Variants in TYW1 observed in about 807,000 individuals in gnomAD.
TYW1 encodes S-adenosyl-L-methionine-dependent tRNA 4-demethylwyosine synthase TYW1.
A neutral mutation model predicts 96.2 loss-of-function variants in TYW1; 46 were observed. That is an observed-to-expected ratio of 0.48 (90% confidence interval 0.38 to 0.61). TYW1 has a LOEUF of 0.61. Ranked by LOEUF, TYW1 falls within the 20% of genes least tolerant of loss-of-function variation. The pLI is 0.00. For missense variants in TYW1, 684 were observed against 909.6 expected (o/e 0.75, Z 3.19); for synonymous variants, 274 against 323.0 (o/e 0.85, Z 1.63).
chr7:67,175,541 C>T (rs192187617), intron 13 of TYW1, among the ~76,000 whole-genome samples: 172 of 152,190 alleles, frequency 1.1e-3, no homozygotes, highest in African/African-American at 4.0e-3. Flanking sequence ...AGCATAGAAG[C>T]AAATATTTTA....
rs1793611473 is a variant in TYW1 at position 67,006,869 on chromosome 7, C to T, written c.274-2714C>T. Reference sequence around the variant, plus strand: ...AACATCCACTTGGCTTCTGGTGAAGCTTCAGGAAGCTTCCACCCATGGAGG... The same window carrying T: ...AACATCCACTTGGCTTCTGGTGAAGTTTCAGGAAGCTTCCACCCATGGAGG... On this transcript the variant is annotated intron_variant, in intron 3 of 15. Coordinates refer to ENST00000359626, the MANE Select transcript of TYW1 (RefSeq NM_018264.4). Among the ~76,000 whole-genome samples the T allele has an allele frequency of 2.7e-5, 4 of 147,544 alleles. No homozygotes were observed. The Admixed American group carries it at 2.8e-4, about 10-fold the overall frequency.
chr7:67,231,795 G>A (rs1801756917), intron 15 of TYW1, among the ~76,000 whole-genome samples: 2 of 150,952 alleles, frequency 1.3e-5, no homozygotes, highest in East Asian at 3.9e-4. Flanking sequence ...GGAAACTCAT[G>A]TCCTTCACTT....
chr7:67,083,601 A>C (rs1796450073), intron 11 of TYW1, 62 bp downstream of exon 11: 1 of 1,540,328 alleles, frequency 6.5e-7, no homozygotes, highest in Admixed American at 1.9e-5. Flanking sequence ...TCAGATTGGC[A>C]GAAGAATTGC....
intron 4 of TYW1, among the ~76,000 whole-genome samples, chr7:67,010,156 T>G (rs112290773): frequency 0.018 from 2,711 of 151,762 alleles, 83 homozygotes; most frequent in African/African-American, 0.062. Context: ...CTAATTTTTT[T>G]TGTGTGTGTC....
intron 15 of TYW1, among the ~76,000 whole-genome samples, chr7:67,197,420 G>C (rs556592729): frequency 6.6e-6 from 1 of 151,166 alleles, no homozygotes; most frequent in African/African-American, 2.4e-5. Flanking sequence ...CTGCCTCCTC[G>C]CTTCAAGCGA....
chr7:67,135,192 C>G (rs1798206867), intron 13 of TYW1, among the ~76,000 whole-genome samples: 1 of 142,558 alleles, frequency 7.0e-6, no homozygotes, highest in African/African-American at 2.8e-5. Context: ...GTTCACCCTT[C>G]TAAAGTATGA....
In TYW1 at chr7:66,998,050, T is replaced by C; in HGVS notation, c.5-15T>C. On this transcript the variant is annotated splice_polypyrimidine_tract_variant and intron_variant, in intron 1 of 15. Coordinates refer to ENST00000359626, the MANE Select transcript of TYW1 (RefSeq NM_018264.4). Reference sequence around the variant, plus strand: ...GTAGCTTTAAATGAAATTGTGTGTGTCATTTTAAATTTAGATCCTTCTGCG... The same window carrying C: ...GTAGCTTTAAATGAAATTGTGTGTGCCATTTTAAATTTAGATCCTTCTGCG... 6.4e-7 allele frequency: 1 copy of C among 1,572,938 alleles called. No homozygotes were observed. Among genetic ancestry groups the C allele is most frequent in the South Asian group, 1.2e-5 (1 of 83,698 alleles).
rs1003199266 is a variant in TYW1, at chr7:67,230,834, T to A, written c.1978-7474T>A. Among the ~76,000 whole-genome samples, 64 of 151,894 alleles carry A rather than the reference T, an allele frequency of 4.2e-4. 2 individuals carry two copies. Among genetic ancestry groups the A allele is most frequent in the Admixed American group, 1.3e-4 (2 of 15,236 alleles). ...TTTGTATTTTTAGTAGAGGCGGGGT[T>A]TCACCTTGTTGGCCAGGCTGGTCTT... On this transcript the variant is annotated intron_variant, in intron 15 of 15. Coordinates refer to ENST00000359626, the MANE Select transcript of TYW1 (RefSeq NM_018264.4).
intron 7 of TYW1, among the ~76,000 whole-genome samples, chr7:67,029,232 A>G (rs986646647): frequency 6.6e-6 from 1 of 151,318 alleles, no homozygotes; most frequent in African/African-American, 2.4e-5. Context: ...GTGATCACCC[A>G]CCTCGGCCTC....
intron 6 of TYW1, among the ~76,000 whole-genome samples, chr7:67,018,470 G>A (rs1355120147): frequency 1.3e-5 from 2 of 151,832 alleles, no homozygotes; most frequent in Non-Finnish European, 2.9e-5. Flanking sequence ...GAGCCCAGGA[G>A]TTTGAGACTG....
At chr7:67,222,991 TA>T (rs1002299575) in intron 15 of TYW1, among the ~76,000 whole-genome samples, 15 of 152,078 alleles carry the variant, frequency 9.9e-5, no homozygotes, top group African/African-American at 3.4e-4. Context: ...TCATTTCAGT[TA>T]TTACACTTTT....
At chr7:67,234,758 A>G (rs1801833791) in intron 15 of TYW1, among the ~76,000 whole-genome samples, 1 of 148,158 alleles carries the variant, frequency 6.7e-6, no homozygotes, top group African/African-American at 2.5e-5. Context: ...TTTAGAGTCA[A>G]AAGAAACCAG....
At chr7:67,064,884 C>T (rs551450739) in intron 9 of TYW1, among the ~76,000 whole-genome samples, 5 of 152,284 alleles carry the variant, frequency 3.3e-5, no homozygotes, top group South Asian at 2.1e-4. Flanking sequence ...TACTGCTCCC[C>T]GCAACAAATT....
chr7:67,204,935 T>A (rs778233074), intron 15 of TYW1, among the ~76,000 whole-genome samples: 2 of 152,204 alleles, frequency 1.3e-5, no homozygotes, highest in Non-Finnish European at 2.9e-5. Context: ...GAAGCACATT[T>A]GTGATGGCTA....
At chr7:67,017,818 AC>A in intron 5 of TYW1, 34 bp from the exon 6 acceptor site, 1 of 1,584,032 alleles carries the variant, frequency 6.3e-7, no homozygotes, top group South Asian at 1.2e-5. Flanking sequence ...GATTTAGAGA[AC>A]CGTGCTTTTA....
At chr7:67,044,851 CTCAGGT>C (rs935227492) in intron 7 of TYW1, among the ~76,000 whole-genome samples, 1 of 152,044 alleles carries the variant, frequency 6.6e-6, no homozygotes, top group Non-Finnish European at 1.5e-5. Context: ...AACTGCTGAC[CTCAGGT>C]TATCCACCCA....
At chr7:67,068,014 T>C (rs1795919620) in intron 10 of TYW1, among the ~76,000 whole-genome samples, 1 of 151,250 alleles carries the variant, frequency 6.6e-6, no homozygotes, top group African/African-American at 2.4e-5. Flanking sequence ...AACCCATTTC[T>C]TTTTCTTTTC....
intron 10 of TYW1, among the ~76,000 whole-genome samples, chr7:67,074,217 T>C (rs879808020): frequency 1.4e-4 from 22 of 152,200 alleles, no homozygotes; most frequent in Non-Finnish European, 2.4e-4. Flanking sequence ...ACTGAAGTAT[T>C]GGGATCACAT....
At chr7:67,078,220 C>T (rs1308675764) in intron 10 of TYW1, among the ~76,000 whole-genome samples, 1 of 151,404 alleles carries the variant, frequency 6.6e-6, no homozygotes, top group African/African-American at 2.4e-5. Flanking sequence ...CTCAGCCTCC[C>T]GAGTAACAGA....
Sources: gnomAD v4.1 joint callset for allele counts (sites outside exome capture counted in the v4.1 genomes callset) on GRCh38, gnomAD v4.1.1 for gene constraint, MANE v1.5 for transcripts, NCBI Gene and HGNC (gene_info 2026-07-23, HGNC 2026-07-21) for gene names.